The following UQCR11 variants were observed in gnomAD, a reference collection of about 807,000 sequenced individuals.
The protein encoded by UQCR11 is cytochrome b-c1 complex subunit 10.
A neutral mutation model predicts 7.6 loss-of-function variants in UQCR11; 10 were observed. The observed-to-expected ratio is 1.31, with a 90% CI of 0.81 to 2.22. The LOEUF (loss-of-function observed/expected upper bound fraction) is 2.22, where lower values mean the gene tolerates loss of function less well. Ranked by LOEUF, UQCR11 falls within the 30% of genes most tolerant of loss-of-function variation. The pLI, the probability that UQCR11 is intolerant of heterozygous loss-of-function variation, is 0.00. For synonymous variants in UQCR11, 34 were observed against 34.9 expected (o/e 0.97, Z 0.09); for missense variants, 86 against 75.1 (o/e 1.15, Z -0.54).
At chr19:1,602,792 C>G (rs1017410605) in intron 1 of UQCR11, among the ~76,000 whole-genome samples, 6 of 152,280 alleles carry the variant, frequency 3.9e-5, no homozygotes, top group South Asian at 4.1e-4. Context: ...CATAAATATG[C>G]CCAGTGGGCC....
intron 1 of UQCR11, among the ~76,000 whole-genome samples, chr19:1,603,913 T>C (rs921798124): frequency 6.6e-6 from 1 of 152,234 alleles, no homozygotes; most frequent in Non-Finnish European, 1.5e-5. Context: ...AAGTATGTTC[T>C]GGCTTCCGGA....
At chr19:1,605,331 C>G in intron 1 of UQCR11, 29 bp downstream of exon 1, 1 of 1,556,956 alleles carries the variant, frequency 6.4e-7, no homozygotes, top group Non-Finnish European at 8.6e-7. Context: ...GGCGGGAGCG[C>G]GGATGGGGCC....
At chr19:1,600,238 G>A (rs1296860828) in intron 1 of UQCR11, among the ~76,000 whole-genome samples, 5 of 139,648 alleles carry the variant, frequency 3.6e-5, no homozygotes, top group Middle Eastern at 3.8e-3. Flanking sequence ...TTTTTGAGAC[G>A]GAGTCTTGCT....
intron 2 of UQCR11, 40 bp downstream of exon 2, chr19:1,599,372 C>A: frequency 6.3e-7 from 1 of 1,599,358 alleles, no homozygotes; most frequent in Non-Finnish European, 8.5e-7. Context: ...CACCATCCGG[C>A]CATCATGCAG....
rs755134186 is a variant in UQCR11 at position 1,599,576 on chromosome 19, G to C, written c.51-16C>G. 3.1e-6 allele frequency: 5 copies of C among 1,605,210 alleles called. No homozygotes were observed. Among genetic ancestry groups the C allele is most frequent in the Non-Finnish European group, 2.5e-6 (3 of 1,179,860 alleles). ...CGTCGGGACCCTGCGAGAGGAGAGG[G>C]GATGGTCAGGCCTGCTCTGGACCCT... On this transcript the variant is annotated splice_polypyrimidine_tract_variant and intron_variant, in intron 1 of 2. Coordinates refer to ENST00000591899, the MANE Select transcript of UQCR11 (RefSeq NM_006830.4).
chr19:1,602,732 G>C (rs1195008736), intron 1 of UQCR11, among the ~76,000 whole-genome samples: 1 of 152,150 alleles, frequency 6.6e-6, no homozygotes, highest in African/African-American at 2.4e-5. Flanking sequence ...GATTACACGC[G>C]TGAGCCACTG....
At chr19:1,598,782 A>G (rs2060738636) in intron 2 of UQCR11, 1 of 153,212 alleles carries the variant, frequency 6.5e-6, no homozygotes, top group Admixed American at 6.5e-5. Flanking sequence ...TGGCAGGAAC[A>G]CCAATGCAGC....
chr19:1,605,268 G>A (rs1392024876), intron 1 of UQCR11, 92 bp downstream of exon 1: 8 of 1,405,414 alleles, frequency 5.7e-6, no homozygotes, highest in Non-Finnish European at 7.5e-6. Context: ...GGCCCGGCCC[G>A]GCCCCCGGAA....
rs866600025 is a variant in UQCR11 at position 1,605,384 on chromosome 19, C to A, written c.26G>T (p.Arg9Leu). 2 of 1,576,740 alleles carry A rather than the reference C, an allele frequency of 1.3e-6. No individual in the cohort carries two copies. Among genetic ancestry groups the A allele is most frequent in the African/African-American group, 1.4e-5 (1 of 71,100 alleles). ...CCAGTTCTTGACCAGCTCCCGGTAGCGTGGGCCCAGGAACCGGGTCACCAT... is the reference window on the plus strand; with the variant it reads ...CCAGTTCTTGACCAGCTCCCGGTAGAGTGGGCCCAGGAACCGGGTCACCAT... MVTRFLGP[R>L]YRELVKNWVP... The change falls in exon 1 of 3, where the codon CGC becomes CTC. Residue 9 changes from arginine to leucine, a missense_variant. Physicochemically the swap from Arg to Leu is moderately radical, Grantham distance 102 (BLOSUM62 -2). Coordinates refer to ENST00000591899, the MANE Select transcript of UQCR11 (RefSeq NM_006830.4).
At chr19:1,599,289 T>G (rs2060740120) in intron 2 of UQCR11, 123 bp downstream of exon 2, 1 of 1,333,472 alleles carries the variant, frequency 7.5e-7, no homozygotes, top group East Asian at 2.3e-5. Flanking sequence ...CACTCTCGAA[T>G]GCAGGTCTCT....
intron 1 of UQCR11, among the ~76,000 whole-genome samples, chr19:1,600,404 G>A: frequency 6.6e-6 from 1 of 151,992 alleles, no homozygotes; most frequent in East Asian, 1.9e-4. Context: ...TAGTAGAGAT[G>A]GGGTTTCACC....
chr19:1,599,168 G>T, intron 2 of UQCR11: 1 of 434,614 alleles, frequency 2.3e-6, no homozygotes, highest in African/African-American at 2.0e-5. Context: ...GACTCACTGG[G>T]ATTGTCCAGA....
At chr19:1,604,892 C>A (rs944427392) in intron 1 of UQCR11, among the ~76,000 whole-genome samples, 1 of 152,262 alleles carries the variant, frequency 6.6e-6, no homozygotes, top group Non-Finnish European at 1.5e-5. Context: ...CACCCCCAGC[C>A]CGGCTTCTAT....
chr19:1,600,301 C>A lies in UQCR11; in HGVS notation c.51-741G>T, dbSNP rs1306616707. On this transcript the variant is annotated intron_variant, in intron 1 of 2. Coordinates refer to ENST00000591899, the MANE Select transcript of UQCR11 (RefSeq NM_006830.4). ...TGATCTCGGCTCACTGCAATCTCCA[C>A]CTCCCGGGTTCAAGCAATTCTCCTG... Among the ~76,000 whole-genome samples the A allele has an allele frequency of 2.6e-5, 4 of 151,256 alleles. No individual in the cohort carries two copies. The East Asian group carries it at 5.8e-4, about 22-fold the overall frequency.
At chr19:1,601,102 G>T (rs1421146896) in intron 1 of UQCR11, among the ~76,000 whole-genome samples, 1 of 152,042 alleles carries the variant, frequency 6.6e-6, no homozygotes, top group Non-Finnish European at 1.5e-5. Flanking sequence ...CCAGGAGGTG[G>T]AGGTTGCAGT....
At chr19:1,599,340 C>G in intron 2 of UQCR11, 72 bp downstream of exon 2, 1 of 1,564,186 alleles carries the variant, frequency 6.4e-7, no homozygotes, top group Non-Finnish European at 8.7e-7. Flanking sequence ...GCTCTGGGAG[C>G]CTGGAGAACC....
intron 1 of UQCR11, 64 bp from the exon 2 acceptor site, chr19:1,599,624 C>T: frequency 6.3e-6 from 10 of 1,586,514 alleles, no homozygotes; most frequent in Non-Finnish European, 8.5e-6. Context: ...CTCTCCTGCC[C>T]ACCCCGGCCC....
At chr19:1,603,196 A>C (rs976941857) in intron 1 of UQCR11, among the ~76,000 whole-genome samples, 1 of 152,148 alleles carries the variant, frequency 6.6e-6, no homozygotes, top group African/African-American at 2.4e-5. Flanking sequence ...TCGTTATTTT[A>C]GGTCAGCCCC....
chr19:1,605,390 C>A lies in UQCR11; in HGVS notation c.20G>T (p.Gly7Val). 6.4e-7 allele frequency: 1 copy of A among 1,574,792 alleles called. No homozygotes were observed. Among genetic ancestry groups the A allele is most frequent in the Non-Finnish European group, 8.6e-7 (1 of 1,164,952 alleles). ...CTTGACCAGCTCCCGGTAGCGTGGG[C>A]CCAGGAACCGGGTCACCATCGCGGC... Reference protein sequence around the residue: MVTRFLGPRYRELVKNW... With the variant: MVTRFLVPRYRELVKNW... Residue 7 changes from glycine (G) to valine (V), a missense_variant, in exon 1 of 3, where the codon GGC becomes GTC. Physicochemically the swap from Gly to Val is moderately radical, Grantham distance 109. Transcript: ENST00000591899.
Sources: gnomAD v4.1 joint callset for allele counts (sites outside exome capture counted in the v4.1 genomes callset) on GRCh38, gnomAD v4.1.1 for gene constraint, MANE v1.5 for transcripts, NCBI Gene and HGNC (gene_info 2026-07-23, HGNC 2026-07-21) for gene names.